FBXO41: variants seen among roughly 807,000 people sequenced by gnomAD.
The protein encoded by FBXO41 is F-box protein 41.
In FBXO41, 33 loss-of-function variants were observed where a neutral mutation model predicts 81.6. That is an observed-to-expected ratio of 0.40 (90% confidence interval 0.31 to 0.54). The LOEUF is 0.54. Among genes scored for constraint, FBXO41 ranks in the 20% least tolerant of loss-of-function variants. The pLI, the probability that FBXO41 is intolerant of heterozygous loss-of-function variation, is 0.39. For missense variants in FBXO41, 1,107 were observed against 1,236.0 expected (o/e 0.90, Z 1.56); for synonymous variants, 576 against 552.7 (o/e 1.04, Z -0.59).
chr2:73,262,902 C>T (rs1319376037), intron 9 of FBXO41, among the ~76,000 whole-genome samples: 6 of 152,276 alleles, frequency 3.9e-5, no homozygotes, highest in South Asian at 2.1e-4. Flanking sequence ...TGCACCACCA[C>T]GCTCGGCTAA....
Position 73,265,305 on chromosome 2 carries a change from G to T in FBXO41, c.1541C>A (p.Pro514Gln). 1 of 1,608,944 alleles carries T rather than the reference G, an allele frequency of 6.2e-7. No individual in the cohort carries two copies. Residue 514 changes from proline to glutamine, a missense_variant, in exon 5 of 13, where the codon CCA becomes CAA. Pro to Gln is a moderately conservative substitution (Grantham distance 76, BLOSUM62 -1). Around this residue, in one of 2 missense-constraint regions of FBXO41, gnomAD observed 771 missense variants for 789.2 expected, o/e 0.98. Transcript: ENST00000520530. ...APRPGPAMAG[P>Q]LSSCRLSARP... ...ACCTGAGAGCCGGCAGCTGCTCAAT[G>T]GCCCAGCCATAGCAGGCCCGGGGCG...
At chr2:73,280,010 T>A (rs1170821431) in intron 1 of FBXO41, among the ~76,000 whole-genome samples, 2 of 152,152 alleles carry the variant, frequency 1.3e-5, no homozygotes, top group African/African-American at 4.8e-5. Context: ...TGACTAATAC[T>A]GAACTCACAA....
chr2:73,269,846 C>G lies in FBXO41; in HGVS notation c.-138-78G>C, dbSNP rs945427879. ...GCTCCCAGCCCGGAGCCCTCATCCC[C>G]CAGCCATGAGGAAATCAGCATTGAG... On this transcript the variant is annotated intron_variant, in intron 1 of 12. Coordinates refer to ENST00000520530, the MANE Select transcript of FBXO41 (RefSeq NM_001371389.2). This position sits in a 1 kb window ranked among gnomAD's most constrained non-coding sequence, Gnocchi z 7.0. The G allele has an allele frequency of 4.8e-6, 1 of 208,278 alleles. No homozygotes were observed. Among genetic ancestry groups the G allele is most frequent in the Admixed American group, 5.9e-5 (1 of 16,820 alleles). The allele number at this position is 208,278 out of a possible 1,614,324, so 12.9% of individuals were successfully genotyped here. A position where few individuals can be genotyped will look rare whatever the true frequency, so the allele number is the denominator to read the frequency against.
In FBXO41 at chr2:73,262,957, A is replaced by G. The variant is rs1033233548; in HGVS notation, c.2171+256T>C. ...ACAGGGTGTCTCCATGTTGGTCAGG[A>G]TGGTCTCGAACTCCAGACCTCAGGT... On this transcript the variant is annotated intron_variant, in intron 9 of 12. Transcript: ENST00000520530. Among the ~76,000 whole-genome samples the G allele has an allele frequency of 2.6e-5, 4 of 152,088 alleles. No individual in the cohort carries two copies. In the East Asian group the frequency reaches 5.8e-4, roughly 22 times the overall value.
chr2:73,259,025 C>G lies in FBXO41; in HGVS notation c.2585G>C (p.Gly862Ala), dbSNP rs765528062. ...TKLQALRRRP[G>A]FSKILHIKVE... is the part of the protein sequence containing the mutation. Reference sequence around the variant, plus strand: ...CTTGATGTGCAGAATCTTAGAGAAGCCGGGCCTCCGTCGCAGAGCCTGCGG... The same window carrying G: ...CTTGATGTGCAGAATCTTAGAGAAGGCGGGCCTCCGTCGCAGAGCCTGCGG... The change falls in exon 13 of 13, where the codon GGC (glycine) becomes GCC (alanine). Residue 862 changes from glycine to alanine, a missense_variant. Around this residue, in one of 2 missense-constraint regions of FBXO41, gnomAD observed 336 missense variants for 446.7 expected, o/e 0.75. Transcript: ENST00000520530. The surrounding 1 kb of genome is among the most constrained non-coding windows in gnomAD (Gnocchi z 4.2). 2.5e-6 allele frequency: 4 copies of G among 1,599,350 alleles called. No individual in the cohort carries two copies. The African/African-American group carries it at 5.4e-5, about 21-fold the overall frequency.
chr2:73,280,502 T>TC (rs1688816002), intron 1 of FBXO41, among the ~76,000 whole-genome samples: 1 of 152,216 alleles, frequency 6.6e-6, no homozygotes, highest in Non-Finnish European at 1.5e-5. Flanking sequence ...CCGCCCACTC[T>TC]AGCTTTTGTC....
At chr2:73,263,343 G>A in intron 8 of FBXO41, 35 bp from the exon 9 acceptor site, 2 of 1,449,548 alleles carry the variant, frequency 1.4e-6, no homozygotes, top group Non-Finnish European at 1.8e-6. Context: ...CAGGCAGCAG[G>A]GTGGCTTATA....
chr2:73,259,668 G>T lies in FBXO41; in HGVS notation c.2450-372C>A, dbSNP rs1439796882. Among the ~76,000 whole-genome samples the T allele has an allele frequency of 2.0e-5, 3 of 152,242 alleles. No individual in the cohort carries two copies. Among genetic ancestry groups the T allele is most frequent in the Non-Finnish European group, 4.4e-5 (3 of 68,012 alleles). ...AGGCTGAAGCACAAAGGAGGGGGAG[G>T]TGGGGCAAATACTTGGGGACAGAGG... On this transcript the variant is annotated intron_variant, in intron 11 of 12. Coordinates refer to ENST00000520530, the MANE Select transcript of FBXO41 (RefSeq NM_001371389.2). The surrounding 1 kb of genome is among the most constrained non-coding windows in gnomAD (Gnocchi z 4.2).
In FBXO41 at chr2:73,266,585, G is replaced by A. The variant is rs772918715; in HGVS notation, c.1003C>T (p.Arg335Trp). The A allele has an allele frequency of 1.2e-6, 2 of 1,611,028 alleles. No homozygotes were observed. Among genetic ancestry groups the A allele is most frequent in the Admixed American group, 1.7e-5 (1 of 59,884 alleles). ...LQQFIEELLE[R>W]ADRAERQLQV... ...AGCTGCCGCTCGGCACGGTCAGCCC[G>A]CTCAAGGAGCTCCTCAATGAACTGC... Residue 335 changes from arginine (R) to tryptophan (W), a missense_variant, in exon 3 of 13, where the codon CGG becomes TGG. Physicochemically the swap from Arg to Trp is moderately radical, Grantham distance 101 (BLOSUM62 -3). Coordinates refer to ENST00000520530, the MANE Select transcript of FBXO41 (RefSeq NM_001371389.2). This position sits in a 1 kb window ranked among gnomAD's most constrained non-coding sequence, Gnocchi z 5.3.
Position 73,266,475 on chromosome 2 carries a change from G to A in FBXO41, c.1113C>T (p.Ala371=), listed in dbSNP as rs1292156943. The A allele has an allele frequency of 2.0e-6, 3 of 1,534,910 alleles. No homozygotes were observed. The highest frequency in any genetic ancestry group is 2.6e-6 in the Non-Finnish European group (3 of 1,135,748). ...GGGGGGAGPN[A]RGPGRMREHH... ...CACTCACCATTCTGCCTGGGCCCCG[G>A]GCATTGGGTCCAGCACCACCGCCCC... The change falls in exon 3 of 13, where the codon GCC becomes GCT. Residue 371 remains alanine, a synonymous_variant. Coordinates refer to ENST00000520530, the MANE Select transcript of FBXO41 (RefSeq NM_001371389.2). The surrounding 1 kb of genome is among the most constrained non-coding windows in gnomAD (Gnocchi z 5.3).
At chr2:73,274,929 G>A (rs184348747) in intron 1 of FBXO41, among the ~76,000 whole-genome samples, 1 of 151,208 alleles carries the variant, frequency 6.6e-6, no homozygotes, top group Admixed American at 6.6e-5. Flanking sequence ...CGCCCAGGCT[G>A]GAGTACAATG....
Position 73,259,150 on chromosome 2 carries a change from G to T in FBXO41, c.2565+31C>A, listed in dbSNP as rs1687919895. On this transcript the variant is annotated intron_variant, in intron 12 of 12. Coordinates refer to ENST00000520530, the MANE Select transcript of FBXO41 (RefSeq NM_001371389.2). This position sits in a 1 kb window ranked among gnomAD's most constrained non-coding sequence, Gnocchi z 4.2. Reference sequence around the variant, plus strand: ...CCCCAGTCTAGGGATGCCACTTGGGGTCTTGGACAGCCTCAGAGCTGACCC... The same window carrying T: ...CCCCAGTCTAGGGATGCCACTTGGGTTCTTGGACAGCCTCAGAGCTGACCC... 5.0e-6 allele frequency: 8 copies of T among 1,613,036 alleles called. No homozygotes were observed. The East Asian group carries it at 1.8e-4, about 36-fold the overall frequency.
chr2:73,268,367 T>C (rs1446078925), intron 2 of FBXO41, among the ~76,000 whole-genome samples: 1 of 152,012 alleles, frequency 6.6e-6, no homozygotes, highest in Non-Finnish European at 1.5e-5. Flanking sequence ...CTGTATGCTT[T>C]TAGAAATATG....
In FBXO41 at chr2:73,266,775, C is replaced by G. The variant is rs910602630; in HGVS notation, c.906-93G>C. The G allele has an allele frequency of 2.8e-6, 4 of 1,438,402 alleles. No individual in the cohort carries two copies. The highest frequency in any genetic ancestry group is 3.6e-6 in the Non-Finnish European group (4 of 1,102,132). 89.1% of individuals were successfully genotyped at this position (1,438,402 alleles called of 1,614,324 possible). On this transcript the variant is annotated intron_variant, in intron 2 of 12. Transcript: ENST00000520530. The surrounding 1 kb of genome is among the most constrained non-coding windows in gnomAD (Gnocchi z 5.3). ...CCTGGCCAGTGCGGGGAGACACTGG[C>G]ACAGCTGCCTGCGGTGTCTGCTTAT...
chr2:73,263,765 C>A lies in FBXO41; in HGVS notation c.1988G>T (p.Arg663Leu), dbSNP rs775115355. The change falls in exon 8 of 13, where the codon CGC becomes CTC. Residue 663 changes from arginine (R) to leucine (L), a missense_variant. Physicochemically the swap from Arg to Leu is moderately radical, Grantham distance 102. Around this residue, in one of 2 missense-constraint regions of FBXO41, gnomAD observed 336 missense variants for 446.7 expected, o/e 0.75. Coordinates refer to ENST00000520530, the MANE Select transcript of FBXO41 (RefSeq NM_001371389.2). ...KAAGGNLLILRISHCPNILTD... is the reference protein window; with the variant it reads ...KAAGGNLLILLISHCPNILTD... ...GAGGATGTTTGGACAGTGGGAGATGCGCAGGATCAGCAGGTTCCCCCCAGC... is the reference window on the plus strand; with the variant it reads ...GAGGATGTTTGGACAGTGGGAGATGAGCAGGATCAGCAGGTTCCCCCCAGC... The A allele has an allele frequency of 4.3e-6, 7 of 1,614,018 alleles. No homozygotes were observed. Among genetic ancestry groups the A allele is most frequent in the Non-Finnish European group, 5.9e-6 (7 of 1,179,902 alleles).
intron 1 of FBXO41, among the ~76,000 whole-genome samples, chr2:73,277,672 G>A (rs1466408982): frequency 6.6e-6 from 1 of 151,654 alleles, no homozygotes; most frequent in Non-Finnish European, 1.5e-5. Flanking sequence ...AGGCTTACAG[G>A]TATGTGAGTC....
chr2:73,269,245 C>A lies in FBXO41; in HGVS notation c.386G>T (p.Cys129Phe). The change falls in exon 2 of 13, where the codon TGT becomes TTT. Residue 129 changes from cysteine (C) to phenylalanine (F), a missense_variant. Around this residue, in one of 2 missense-constraint regions of FBXO41, gnomAD observed 771 missense variants for 789.2 expected, o/e 0.98. Coordinates refer to ENST00000520530, the MANE Select transcript of FBXO41 (RefSeq NM_001371389.2). This position sits in a 1 kb window ranked among gnomAD's most constrained non-coding sequence, Gnocchi z 7.0. ...AAGGCCCGGCTCGGCCAACTCCTCACAGGGCAGGCTAGCGGGCACCAGGTC... is the reference window on the plus strand; with the variant it reads ...AAGGCCCGGCTCGGCCAACTCCTCAAAGGGCAGGCTAGCGGGCACCAGGTC... ...PGDLVPASLP[C>F]EELAEPGLVP... 1 of 1,530,616 alleles carries A rather than the reference C, an allele frequency of 6.5e-7. No homozygotes were observed. The highest frequency in any genetic ancestry group is 8.8e-7 in the Non-Finnish European group (1 of 1,139,542). 94.8% of individuals were successfully genotyped at this position (1,530,616 alleles called of 1,614,324 possible). A position where few individuals can be genotyped will look rare whatever the true frequency, so the allele number is the denominator to read the frequency against.
At position 73,265,643 on chromosome 2, in the gene FBXO41, G is replaced by T; in HGVS notation, c.1206-3C>A. ...CGGCTGGCACACGGCTGGAGGCCCT[G>T]GGGCAGGGTGGACCACACAGTAAGG... On this transcript the variant is annotated splice_region_variant and splice_polypyrimidine_tract_variant and intron_variant, in intron 4 of 12. Transcript: ENST00000520530. The T allele has an allele frequency of 6.7e-7, 1 of 1,502,008 alleles. No homozygotes were observed. The highest frequency in any genetic ancestry group is 8.9e-7 in the Non-Finnish European group (1 of 1,125,294). 93.0% of individuals were successfully genotyped at this position (1,502,008 alleles called of 1,614,324 possible).
chr2:73,260,378 C>T lies in FBXO41; in HGVS notation c.2449+11G>A. 1.2e-6 allele frequency: 2 copies of T among 1,611,552 alleles called. No homozygotes were observed. The highest frequency in any genetic ancestry group is 1.7e-6 in the Non-Finnish European group (2 of 1,178,778). ...TAGTCGTACCCTGCCCCTCATTCCC[C>T]CAGTGCTCACTGTTGAAGTGCAGTA... On this transcript the variant is annotated intron_variant, in intron 11 of 12. Transcript: ENST00000520530. The surrounding 1 kb of genome is among the most constrained non-coding windows in gnomAD (Gnocchi z 5.0).
Sources: allele counts gnomAD v4.1 joint callset (sites outside exome capture counted in the v4.1 genomes callset), GRCh38; gene constraint gnomAD v4.1.1; regional missense constraint gnomAD v4.1.1; non-coding constraint Gnocchi (gnomAD v3.1); transcripts MANE v1.5; gene names NCBI Gene and HGNC (gene_info 2026-07-23, HGNC 2026-07-21).